AKT1S1: variants seen among roughly 807,000 people sequenced by gnomAD.
AKT1S1 encodes AKT1 substrate 1.
Under a neutral mutation model 21.2 loss-of-function variants are expected in AKT1S1, and 17 were observed. The observed-to-expected ratio is 0.80, with a 90% CI of 0.55 to 1.20. The LOEUF is 1.20. AKT1S1 is among the 50% of genes most tolerant of loss of function. AKT1S1 has a pLI of 0.00. For synonymous variants in AKT1S1, 181 were observed against 165.6 expected (o/e 1.09, Z -0.72); for missense variants, 366 against 368.3 (o/e 0.99, Z 0.05).
At chr19:49,877,597 C>A, upstream of AKT1S1, 1 of 999,720 alleles carries the variant, frequency 1.0e-6, no homozygotes, top group Non-Finnish European at 1.4e-6. Flanking sequence ...GTTTCACCCG[C>A]TCCTTCTCTA....
intron 4 of AKT1S1, 56 bp from the exon 5 acceptor site, chr19:49,870,116 C>G: frequency 7.0e-7 from 1 of 1,433,818 alleles, no homozygotes; most frequent in South Asian, 1.4e-5. Context: ...CCCCTGCACC[C>G]ACACGCGGTC....
rs1382097165 is a variant in AKT1S1, at chr19:49,869,110, T to A, written c.*807A>T. 1 of 152,284 alleles carries A rather than the reference T, an allele frequency of 6.6e-6. No individual in the cohort carries two copies. Among genetic ancestry groups the A allele is most frequent in the Non-Finnish European group, 1.5e-5 (1 of 68,008 alleles). The allele number at this position is 152,284 out of a possible 1,614,324, so 9.4% of individuals were successfully genotyped here. On this transcript the variant is annotated 3_prime_UTR_variant, in exon 5 of 5. Transcript: ENST00000344175. Reference sequence around the variant, plus strand: ...CTGCCGATCCCCCAACCCCTCACTCTCTCCCCCACACCAGGGCCGGAGAGT... The same window carrying A: ...CTGCCGATCCCCCAACCCCTCACTCACTCCCCCACACCAGGGCCGGAGAGT...
chr19:49,871,158 G>T (rs1433353241), intron 4 of AKT1S1, among the ~76,000 whole-genome samples: 1 of 152,180 alleles, frequency 6.6e-6, no homozygotes, highest in Non-Finnish European at 1.5e-5. Context: ...TTGCTACAAG[G>T]GGTGAACAGG....
rs2074861154 is a variant in AKT1S1, at chr19:49,869,774, T to G, written c.*143A>C. Reference sequence around the variant, plus strand: ...CGTGGGCTGGAAGGACGGCGGGGATTGGCAGAGGCGGGACAATCTTGGGAA... The same window carrying G: ...CGTGGGCTGGAAGGACGGCGGGGATGGGCAGAGGCGGGACAATCTTGGGAA... On this transcript the variant is annotated 3_prime_UTR_variant, in exon 5 of 5. Coordinates refer to ENST00000344175, the MANE Select transcript of AKT1S1 (RefSeq NM_001098633.4). The G allele has an allele frequency of 3.0e-6, 3 of 994,068 alleles. No homozygotes were observed. Among genetic ancestry groups the G allele is most frequent in the Non-Finnish European group, 4.1e-6 (3 of 731,472 alleles). The allele number at this position is 994,068 out of a possible 1,614,324, so 61.6% of individuals were successfully genotyped here.
chr19:49,871,612 C>T lies in AKT1S1; in HGVS notation c.562G>A (p.Val188Met), dbSNP rs747746783. The T allele has an allele frequency of 1.2e-6, 2 of 1,614,076 alleles. No individual in the cohort carries two copies. The highest frequency in any genetic ancestry group is 1.3e-5 in the African/African-American group (1 of 75,006). Residue 188 changes from valine (V) to methionine (M), a missense_variant, in exon 4 of 5, where the codon GTG (valine) becomes ATG (methionine). By Grantham distance (21) the Val-to-Met change is conservative. Coordinates refer to ENST00000344175, the MANE Select transcript of AKT1S1 (RefSeq NM_001098633.4). ...TTCTCCTTGAAGCCCCAGACGGGCA[C>T]AGACACAGGCAGGGACTTGGCGTAC... Reference protein sequence around the residue: ...QQYAKSLPVSVPVWGFKEKRT... With the variant: ...QQYAKSLPVSMPVWGFKEKRT...
intron 4 of AKT1S1, 151 bp downstream of exon 4, chr19:49,871,396 G>T: frequency 3.8e-6 from 4 of 1,052,148 alleles, no homozygotes; most frequent in South Asian, 1.4e-5. Context: ...AAACTGCAAG[G>T]CTCGTGTCCA....
intron 1 of AKT1S1, chr19:49,876,636 T>C: frequency 6.6e-7 from 1 of 1,518,720 alleles, no homozygotes; most frequent in Non-Finnish European, 8.8e-7. Flanking sequence ...CCCGGCGCCG[T>C]CACCGCCCTC....
intron 1 of AKT1S1, among the ~76,000 whole-genome samples, chr19:49,875,713 A>G (rs1166872512): frequency 6.6e-6 from 1 of 152,188 alleles, no homozygotes; most frequent in Non-Finnish European, 1.5e-5. Flanking sequence ...CCACGGGATT[A>G]AAGAGTGAAA....
chr19:49,876,640 C>G, intron 1 of AKT1S1: 1 of 1,519,302 alleles, frequency 6.6e-7, no homozygotes, highest in East Asian at 2.6e-5. Flanking sequence ...GCGCCGTCAC[C>G]GCCCTCAAAA....
In AKT1S1 at chr19:49,870,190, C is replaced by A. The variant is rs144396147; in HGVS notation, c.628-130G>T. 448 of 1,113,088 alleles carry A rather than the reference C, an allele frequency of 4.0e-4. No homozygotes were observed. The African/African-American group carries it at 6.5e-3, about 16-fold the overall frequency. 69.0% of individuals were successfully genotyped at this position (1,113,088 alleles called of 1,614,324 possible). A position where few individuals can be genotyped will look rare whatever the true frequency, so the allele number is the denominator to read the frequency against. On this transcript the variant is annotated intron_variant, in intron 4 of 4. Coordinates refer to ENST00000344175, the MANE Select transcript of AKT1S1 (RefSeq NM_001098633.4). ...TCCCTGCCCTGCCACCTGTGCCCTG[C>A]GATGCCCACTGCCAGCAGTGCCCCT...
chr19:49,869,506 A>G lies in AKT1S1; in HGVS notation c.*411T>C, dbSNP rs917945364. ...AAAAGCGGACGGTGACTATGTAGAG[A>G]CTGGTCAAGCCCTTTACAGGATTTG... On this transcript the variant is annotated 3_prime_UTR_variant, in exon 5 of 5. Transcript: ENST00000344175. 2 of 158,918 alleles carry G rather than the reference A, an allele frequency of 1.3e-5. No individual in the cohort carries two copies. Among genetic ancestry groups the G allele is most frequent in the African/African-American group, 4.8e-5 (2 of 41,688 alleles). 9.8% of individuals were successfully genotyped at this position (158,918 alleles called of 1,614,324 possible).
rs2074900924 is a variant in AKT1S1, at chr19:49,872,957, T to C, written c.339A>G (p.Thr113=). The change falls in exon 2 of 5, where the codon ACA becomes ACG. Residue 113 remains threonine (T), a synonymous_variant. Coordinates refer to ENST00000344175, the MANE Select transcript of AKT1S1 (RefSeq NM_001098633.4). ...NEEDEDEPTE[T]ETSGEQLGIS... ...TGCCCAGCTGCTCCCCGGAGGTCTC[T>C]GTCTCTGTGGGCTCATCCTCGTCCT... 1 of 1,604,076 alleles carries C rather than the reference T, an allele frequency of 6.2e-7. No individual in the cohort carries two copies. Among genetic ancestry groups the C allele is most frequent in the African/African-American group, 1.3e-5 (1 of 74,748 alleles).
intron 1 of AKT1S1, chr19:49,877,019 T>C (rs916601187): frequency 3.6e-5 from 9 of 248,024 alleles, no homozygotes; most frequent in African/African-American, 2.0e-4. Context: ...TCTCCCTCCC[T>C]CCAACCTGCT....
In AKT1S1 at chr19:49,869,319, C is replaced by G. The variant is rs1349415506; in HGVS notation, c.*598G>C. On this transcript the variant is annotated 3_prime_UTR_variant, in exon 5 of 5. Transcript: ENST00000344175. ...AGAGGCAGGGACAGTTTGGGGCCAT[C>G]CCTGAGGGGGTCAGGGAACAAGTTG... The G allele has an allele frequency of 6.5e-6, 1 of 152,920 alleles. No homozygotes were observed. Among genetic ancestry groups the G allele is most frequent in the East Asian group, 1.9e-4 (1 of 5,188 alleles). 9.5% of individuals were successfully genotyped at this position (152,920 alleles called of 1,614,324 possible). A position where few individuals can be genotyped will look rare whatever the true frequency, so the allele number is the denominator to read the frequency against.
Position 49,873,194 on chromosome 19 carries a change from G to T in AKT1S1, c.102C>A (p.Ala34=). The change falls in exon 2 of 5, where the codon GCC becomes GCA. Residue 34 remains alanine (A), a synonymous_variant. Transcript: ENST00000344175. The surrounding 1 kb of genome is among the most constrained non-coding windows in gnomAD (Gnocchi z 6.9). ...TGTELVLLTA[A]PPPPPRPGPC... is the part of the protein sequence containing the mutation. The stretch of plus-strand genomic sequence containing the variant: ...GGCCCGGGCGGGGTGGTGGCGGCGG[G>T]GCCGCGGTCAGCAGCACCAGCTCCG... The T allele has an allele frequency of 6.5e-7, 1 of 1,529,124 alleles. No individual in the cohort carries two copies. The highest frequency in any genetic ancestry group is 2.5e-5 in the East Asian group (1 of 40,418). 94.7% of individuals were successfully genotyped at this position (1,529,124 alleles called of 1,614,324 possible).
In AKT1S1 at chr19:49,872,999, G is replaced by A; in HGVS notation, c.297C>T (p.Ala99=). ...CCTCGTCCTCCTCGTTGTCCTCTCT[G>A]GCCAGGGTAGGCCGGGGTGGGCTGG... ...PTPSPPRPTL[A]REDNEEDEDE... Residue 99 remains alanine, a synonymous_variant, in exon 2 of 5, where the codon GCC becomes GCT. Coordinates refer to ENST00000344175, the MANE Select transcript of AKT1S1 (RefSeq NM_001098633.4). 1 of 1,582,012 alleles carries A rather than the reference G, an allele frequency of 6.3e-7. No homozygotes were observed. The highest frequency in any genetic ancestry group is 8.6e-7 in the Non-Finnish European group (1 of 1,165,072).
upstream of AKT1S1, chr19:49,877,793 C>A: frequency 1.9e-6 from 3 of 1,557,062 alleles, no homozygotes; most frequent in East Asian, 2.3e-5. Flanking sequence ...CGAAACGCCC[C>A]GTCTAGTGAT....
chr19:49,873,013 G>A lies in AKT1S1; in HGVS notation c.283C>T (p.Arg95Trp), dbSNP rs377525343. ...QPPSPTPSPP[R>W]PTLAREDNEE... ...TTGTCCTCTCTGGCCAGGGTAGGCC[G>A]GGGTGGGCTGGGTGTGGGACTGGGT... The change falls in exon 2 of 5, where the codon CGG becomes TGG. Residue 95 changes from arginine to tryptophan, a missense_variant. Transcript: ENST00000344175. This position sits in a 1 kb window ranked among gnomAD's most constrained non-coding sequence, Gnocchi z 6.9. 5.1e-6 allele frequency: 8 copies of A among 1,569,752 alleles called. No homozygotes were observed. Among genetic ancestry groups the A allele is most frequent in the Admixed American group, 1.9e-5 (1 of 53,636 alleles).
chr19:49,871,872 C>T lies in AKT1S1; in HGVS notation c.397G>A (p.Glu133Lys), dbSNP rs1437613848. ...GGAAGGTCCTGGAGGGTGGCGTCCT[C>T]ATCCATCACAAAGAGCCCTGTGGAT... is the stretch of plus-strand genomic sequence containing the variant. ...SDNGGLFVMD[E>K]DATLQDLPPF... The change falls in exon 3 of 5, where the codon GAG becomes AAG. Residue 133 changes from glutamate to lysine, a missense_variant. By Grantham distance (56) the Glu-to-Lys change is moderately conservative. Transcript: ENST00000344175. 4 of 1,613,094 alleles carry T rather than the reference C, an allele frequency of 2.5e-6. No homozygotes were observed. The African/African-American group carries it at 4.0e-5, about 16-fold the overall frequency.
Sources: gnomAD v4.1 joint callset for allele counts (sites outside exome capture counted in the v4.1 genomes callset) on GRCh38, gnomAD v4.1.1 for gene constraint, Gnocchi (gnomAD v3.1) non-coding constraint, MANE v1.5 for transcripts, NCBI Gene and HGNC (gene_info 2026-07-23, HGNC 2026-07-21) for gene names.